The following TMEM202 variants were observed in gnomAD, a reference collection of about 807,000 sequenced individuals.
The protein encoded by TMEM202 is transmembrane protein 202.
Under a neutral mutation model 26.1 loss-of-function variants are expected in TMEM202, and 25 were observed. The ratio of observed to expected loss-of-function variants is 0.96; its 90% CI spans 0.70 to 1.34. The LOEUF (loss-of-function observed/expected upper bound fraction) is 1.34, where lower values mean the gene tolerates loss of function less well. Ranked by LOEUF, TMEM202 falls within the 40% of genes most tolerant of loss-of-function variation. The pLI is 0.00. For missense variants in TMEM202, 301 were observed against 327.7 expected, an observed-to-expected ratio of 0.92 and a Z score of 0.63; for synonymous variants, 122 against 119.0, an observed-to-expected ratio of 1.02 and a Z score of -0.16.
chr15:72,401,182 C>T (rs945901967), intron 2 of TMEM202, among the ~76,000 whole-genome samples: 3 of 152,150 alleles, frequency 2.0e-5, no homozygotes, highest in African/African-American at 7.2e-5. Flanking sequence ...TCCTATCATT[C>T]AGTGACTAAG....
At chr15:72,398,983 A>G (rs1010094402) in intron 2 of TMEM202, 75 bp downstream of exon 2, 4 of 1,529,890 alleles carry the variant, frequency 2.6e-6, no homozygotes, top group Non-Finnish European at 3.5e-6. Flanking sequence ...TTGGCCCTTC[A>G]TGTTTCTTCC....
intron 2 of TMEM202, among the ~76,000 whole-genome samples, chr15:72,399,370 T>TC (rs1410875851): frequency 1.3e-5 from 2 of 152,144 alleles, no homozygotes; most frequent in Non-Finnish European, 2.9e-5. Flanking sequence ...CCCAGGCTGG[T>TC]CTCAAAGTCC....
chr15:72,407,243 A>G, intron 4 of TMEM202, 26 bp downstream of exon 4: 3 of 1,610,784 alleles, frequency 1.9e-6, no homozygotes, highest in Non-Finnish European at 2.5e-6. Flanking sequence ...GCTCTATGCT[A>G]GAAGGATGGA....
intron 2 of TMEM202, 122 bp from the exon 3 acceptor site, chr15:72,406,480 G>A: frequency 1.4e-6 from 1 of 715,408 alleles, no homozygotes; most frequent in Non-Finnish European, 2.3e-6. Flanking sequence ...AGGATGTCAT[G>A]TAGCAAGCTC....
At chr15:72,405,898 G>A (rs2063568650) in intron 2 of TMEM202, among the ~76,000 whole-genome samples, 1 of 152,072 alleles carries the variant, frequency 6.6e-6, no homozygotes, top group African/African-American at 2.4e-5. Context: ...GACAGAATGA[G>A]ACTCTGTCTC....
intron 2 of TMEM202, among the ~76,000 whole-genome samples, chr15:72,405,336 C>T (rs937175501): frequency 6.6e-6 from 1 of 152,092 alleles, no homozygotes; most frequent in East Asian, 1.9e-4. Context: ...TGTCTGGTAG[C>T]TCAGAAAAGC....
At chr15:72,401,157 T>C (rs2140356325) in intron 2 of TMEM202, among the ~76,000 whole-genome samples, 1 of 152,318 alleles carries the variant, frequency 6.6e-6, no homozygotes, top group South Asian at 2.1e-4. Context: ...TTATGACCTG[T>C]ATTTTGTGCT....
Position 72,398,392 on chromosome 15 carries a change from C to T in TMEM202, c.66C>T (p.Asn22=). The change falls in exon 1 of 5, where the codon AAC becomes AAT. Residue 22 remains asparagine (N), a synonymous_variant. Coordinates refer to ENST00000341689, the MANE Select transcript of TMEM202 (RefSeq NM_001080462.3). The part of the protein sequence containing the change: ...HSPEVPKIKG[N]RKYQRPTVPA... ...CTGAGGTTCCCAAAATAAAGGGGAA[C>T]CGGAAATACCAAAGGGTGAGGAGGT... 1 of 1,611,776 alleles carries T rather than the reference C, an allele frequency of 6.2e-7. No homozygotes were observed. The highest frequency in any genetic ancestry group is 8.5e-7 in the Non-Finnish European group (1 of 1,179,172).
chr15:72,408,103 A>G lies in TMEM202; in HGVS notation c.*210A>G, dbSNP rs375719157. 3.7e-6 allele frequency: 2 copies of G among 537,684 alleles called. No homozygotes were observed. Among genetic ancestry groups the G allele is most frequent in the African/African-American group, 3.8e-5 (2 of 52,872 alleles). The allele number at this position is 537,684 out of a possible 1,614,324, so 33.3% of individuals were successfully genotyped here. A position where few individuals can be genotyped will look rare whatever the true frequency, so the allele number is the denominator to read the frequency against. On this transcript the variant is annotated 3_prime_UTR_variant, in exon 5 of 5. Coordinates refer to ENST00000341689, the MANE Select transcript of TMEM202 (RefSeq NM_001080462.3). ...AACTCACTTAAGAAAAACATTTCTA[A>G]AAGAAAACAACAATGTTTAGAGTCA...
At chr15:72,401,849 T>G (rs957813368) in intron 2 of TMEM202, among the ~76,000 whole-genome samples, 2 of 152,218 alleles carry the variant, frequency 1.3e-5, no homozygotes, top group Non-Finnish European at 2.9e-5. Context: ...GAGTCAGTAA[T>G]TAATCTGCAA....
chr15:72,407,686 C>T lies in TMEM202; in HGVS notation c.620-5C>T, dbSNP rs367688538. ...ACCTCACCTCAAATTATTCCCTTCCCGTAGGGATCATCTCTCTTCTCAACT... is the reference window on the plus strand; with the variant it reads ...ACCTCACCTCAAATTATTCCCTTCCTGTAGGGATCATCTCTCTTCTCAACT... On this transcript the variant is annotated splice_polypyrimidine_tract_variant and splice_region_variant and intron_variant, in intron 4 of 4. Coordinates refer to ENST00000341689, the MANE Select transcript of TMEM202 (RefSeq NM_001080462.3). 14 of 1,613,466 alleles carry T rather than the reference C, an allele frequency of 8.7e-6. No homozygotes were observed. Among genetic ancestry groups the T allele is most frequent in the South Asian group, 1.1e-5 (1 of 91,056 alleles).
At chr15:72,404,534 C>G (rs2063562738) in intron 2 of TMEM202, among the ~76,000 whole-genome samples, 1 of 152,116 alleles carries the variant, frequency 6.6e-6, no homozygotes, top group African/African-American at 2.4e-5. Flanking sequence ...TAAAGAAAAT[C>G]AAGCCAGCCA....
chr15:72,401,871 T>A (rs1300454635), intron 2 of TMEM202, among the ~76,000 whole-genome samples: 3 of 152,236 alleles, frequency 2.0e-5, no homozygotes, highest in Admixed American at 1.3e-4. Flanking sequence ...ACAGATCTCA[T>A]AAGAAATATC....
rs1338349006 is a variant in TMEM202 at position 72,407,799 on chromosome 15, C to T, written c.728C>T (p.Thr243Ile). ...AGGCTGGGGGTTGGTCCGGTGACTA[C>T]AGTATCACCTGCTAAAGATGAAGGG... The part of the protein sequence containing the change: ...RSRLGVGPVT[T>I]VSPAKDEGPR... The change falls in exon 5 of 5, where the codon ACA (threonine) becomes ATA (isoleucine). Residue 243 changes from threonine to isoleucine, a missense_variant. Physicochemically the swap from Thr to Ile is moderately conservative, Grantham distance 89. Transcript: ENST00000341689. The T allele has an allele frequency of 1.9e-6, 3 of 1,613,856 alleles. No homozygotes were observed. Among genetic ancestry groups the T allele is most frequent in the African/African-American group, 2.7e-5 (2 of 74,872 alleles).
intron 1 of TMEM202, 107 bp from the exon 2 acceptor site, chr15:72,398,546 T>C: frequency 6.9e-7 from 1 of 1,452,766 alleles, no homozygotes; most frequent in Admixed American, 2.4e-5. Flanking sequence ...GGGAAAAATA[T>C]CTATAAATCA....
intron 2 of TMEM202, among the ~76,000 whole-genome samples, chr15:72,405,711 G>A (rs11072363): frequency 0.78 from 118,994 of 152,162 alleles, 51,342 homozygotes; most frequent in Non-Finnish European, 0.95. Flanking sequence ...AATGAGGCTG[G>A]GCGAGGTGGC....
chr15:72,406,039 G>A (rs2063569404), intron 2 of TMEM202, among the ~76,000 whole-genome samples: 2 of 151,990 alleles, frequency 1.3e-5, no homozygotes, highest in Admixed American at 1.3e-4. Context: ...CTAAACAATG[G>A]GTAAGTCATT....
At position 72,407,761 on chromosome 15, in the gene TMEM202, A is replaced by C; in HGVS notation, c.690A>C (p.Pro230=). ...PACDENVTVI[P]TERSRLGVGP... ...GTGATGAAAACGTCACTGTGATTCCAACAGAGAGATCAAGGCTGGGGGTTG... is the reference window on the plus strand; with the variant it reads ...GTGATGAAAACGTCACTGTGATTCCCACAGAGAGATCAAGGCTGGGGGTTG... Residue 230 remains proline, a synonymous_variant, in exon 5 of 5, where the codon CCA becomes CCC. Transcript: ENST00000341689. 1 of 1,613,994 alleles carries C rather than the reference A, an allele frequency of 6.2e-7. No individual in the cohort carries two copies. Among genetic ancestry groups the C allele is most frequent in the Non-Finnish European group, 8.5e-7 (1 of 1,179,956 alleles).
At position 72,408,345 on chromosome 15, in the gene TMEM202, A is replaced by T. The variant is rs1263152397; in HGVS notation, c.*452A>T. ...TAATAGCATTACCAGAAATGGAATA[A>T]ATATCAATGGATATAAGACCTACTA... On this transcript the variant is annotated 3_prime_UTR_variant, in exon 5 of 5. Transcript: ENST00000341689. 6.6e-6 allele frequency among the ~76,000 whole-genome samples: 1 copy of T among 152,212 alleles called. No individual in the cohort carries two copies. Among genetic ancestry groups the T allele is most frequent in the Non-Finnish European group, 1.5e-5 (1 of 68,040 alleles).
Sources: allele counts gnomAD v4.1 joint callset (sites outside exome capture counted in the v4.1 genomes callset), GRCh38; gene constraint gnomAD v4.1.1; transcripts MANE v1.5; gene names NCBI Gene and HGNC (gene_info 2026-07-23, HGNC 2026-07-21).